NFS1: variants seen among roughly 807,000 people sequenced by gnomAD.
NFS1 encodes NFS1 cysteine desulfurase.
In NFS1, 26 loss-of-function variants were observed where a neutral mutation model predicts 57.3. The observed-to-expected ratio is 0.45, with a 90% CI of 0.33 to 0.63. NFS1 has a LOEUF of 0.63. Among genes scored for constraint, NFS1 ranks in the 20% least tolerant of loss-of-function variants. The probability of loss-of-function intolerance (pLI) is 0.02; values close to 1 mark genes in which losing one functional copy is unlikely to be tolerated. For missense variants in NFS1, 505 were observed against 605.8 expected (o/e 0.83, Z 1.75); for synonymous variants, 209 against 216.3 (o/e 0.97, Z 0.30).
At chr20:35,682,085 C>A in intron 5 of NFS1, 104 bp from the exon 6 acceptor site, 1 of 563,548 alleles carries the variant, frequency 1.8e-6, no homozygotes, top group South Asian at 2.1e-5. Context: ...TACTACATAC[C>A]TATCTGAATA....
intron 4 of NFS1, among the ~76,000 whole-genome samples, chr20:35,691,767 A>AAAAACC: frequency 7.7e-6 from 1 of 129,046 alleles, no homozygotes; most frequent in South Asian, 2.9e-4. Context: ...AAAAAAAAAG[A>AAAAACC]ACGCCAGGTG....
chr20:35,694,353 C>G (rs1008644527), intron 4 of NFS1, among the ~76,000 whole-genome samples: 1 of 152,070 alleles, frequency 6.6e-6, no homozygotes, highest in Non-Finnish European at 1.5e-5. Flanking sequence ...CCATGTTGGT[C>G]AGGCTGGTCT....
At chr20:35,692,301 G>C in intron 4 of NFS1, 1 of 241,542 alleles carries the variant, frequency 4.1e-6, no homozygotes, top group South Asian at 4.1e-5. Context: ...TTGAACCTGG[G>C]AGGCAGAGGT....
At chr20:35,671,537 C>T (rs1290451072) in intron 12 of NFS1, among the ~76,000 whole-genome samples, 1 of 152,178 alleles carries the variant, frequency 6.6e-6, no homozygotes, top group Non-Finnish European at 1.5e-5. Flanking sequence ...TGCCACTGCA[C>T]TCCAGCCTGG....
In NFS1 at chr20:35,675,182, G is replaced by A. The variant is rs140826239; in HGVS notation, c.811C>T (p.Arg271Cys). ...TCCACACGCACACGGGGCCGGCGAC[G>A]GATGTAGATGGCACCAACCCCTGGG... is the stretch of plus-strand genomic sequence containing the variant. Reference protein sequence around the residue: ...GPKGVGAIYIRRRPRVRVEAL... With the variant: ...GPKGVGAIYICRRPRVRVEAL... The change falls in exon 8 of 13, where the codon CGT becomes TGT. Residue 271 changes from arginine to cysteine, a missense_variant. Coordinates refer to ENST00000374092, the MANE Select transcript of NFS1 (RefSeq NM_021100.5). 2.2e-4 allele frequency: 356 copies of A among 1,612,672 alleles called. No homozygotes were observed. Among genetic ancestry groups the A allele is most frequent in the Non-Finnish European group, 2.8e-4 (336 of 1,179,458 alleles).
chr20:35,680,309 A>C (rs1357871190), intron 7 of NFS1, among the ~76,000 whole-genome samples: 1 of 150,708 alleles, frequency 6.6e-6, no homozygotes, highest in Non-Finnish European at 1.5e-5. Context: ...CGTCTCAAGA[A>C]AAAAAAAAAG....
At chr20:35,691,736 C>A (rs2146434721) in intron 4 of NFS1, among the ~76,000 whole-genome samples, 1 of 57,484 alleles carries the variant, frequency 1.7e-5, no homozygotes, top group African/African-American at 9.5e-5. Context: ...GAGACTGCAT[C>A]TCAAAAAAAA....
intron 12 of NFS1, among the ~76,000 whole-genome samples, chr20:35,671,421 A>C (rs950544652): frequency 1.3e-5 from 2 of 152,156 alleles, no homozygotes; most frequent in Non-Finnish European, 2.9e-5. Flanking sequence ...TATTTTTAAA[A>C]TTAGCTAGGT....
intron 7 of NFS1, among the ~76,000 whole-genome samples, chr20:35,677,669 T>C (rs894132851): frequency 6.6e-6 from 1 of 152,214 alleles, no homozygotes; most frequent in Non-Finnish European, 1.5e-5. Flanking sequence ...CTGAATAGAA[T>C]TGGCACTTGA....
chr20:35,698,516 G>T lies in NFS1; in HGVS notation c.172C>A (p.Pro58Thr), dbSNP rs766781670. ...GTAGCTTGCACATCCATATAGAGAGGTCGCAGCACTGGCCCCACCTCCGGG... is the reference window on the plus strand; with the variant it reads ...GTAGCTTGCACATCCATATAGAGAGTTCGCAGCACTGGCCCCACCTCCGGG... Reference protein sequence around the residue: ...AAPEVGPVLRPLYMDVQATTP... With the variant: ...AAPEVGPVLRTLYMDVQATTP... Residue 58 changes from proline to threonine, a missense_variant, in exon 2 of 13, where the codon CCT becomes ACT. Coordinates refer to ENST00000374092, the MANE Select transcript of NFS1 (RefSeq NM_021100.5). 5 of 1,613,804 alleles carry T rather than the reference G, an allele frequency of 3.1e-6. No homozygotes were observed.
At chr20:35,691,046 G>C (rs1251161574) in intron 4 of NFS1, among the ~76,000 whole-genome samples, 2 of 152,164 alleles carry the variant, frequency 1.3e-5, no homozygotes, top group African/African-American at 4.8e-5. Flanking sequence ...GCAGAAGGCT[G>C]TGCATACCTG....
chr20:35,691,706 T>C (rs1289097720), intron 4 of NFS1, among the ~76,000 whole-genome samples: 1 of 116,690 alleles, frequency 8.6e-6, no homozygotes, highest in Non-Finnish European at 1.6e-5. Context: ...GCTATTGCAC[T>C]CCAGCCTGGG....
chr20:35,680,441 T>C (rs1242618778), intron 7 of NFS1, among the ~76,000 whole-genome samples: 1 of 152,228 alleles, frequency 6.6e-6, no homozygotes, highest in East Asian at 1.9e-4. Flanking sequence ...GCTGGGCCTA[T>C]CTAGATAAAT....
intron 5 of NFS1, 101 bp downstream of exon 5, chr20:35,690,312 A>C: frequency 6.8e-5 from 72 of 1,053,114 alleles, no homozygotes; most frequent in Non-Finnish European, 9.5e-5. Context: ...CCTAACTGTT[A>C]GATCTATTCC....
intron 7 of NFS1, among the ~76,000 whole-genome samples, chr20:35,677,289 T>C (rs1021884189): frequency 5.3e-5 from 8 of 152,070 alleles, no homozygotes; most frequent in African/African-American, 1.9e-4. Context: ...CCCAGCATTC[T>C]GGGAGGCCAA....
At chr20:35,686,846 G>C (rs556453301) in intron 5 of NFS1, among the ~76,000 whole-genome samples, 1 of 152,120 alleles carries the variant, frequency 6.6e-6, no homozygotes, top group African/African-American at 2.4e-5. Flanking sequence ...GATTATATAT[G>C]AATATCATTA....
chr20:35,681,738 G>A (rs913531233), intron 6 of NFS1, 150 bp downstream of exon 6: 9 of 497,590 alleles, frequency 1.8e-5, no homozygotes, highest in Non-Finnish European at 3.4e-5. Context: ...TTCAAATACT[G>A]CCTATGACAC....
In NFS1 at chr20:35,668,459, A is replaced by C. The variant is rs1292219739; in HGVS notation, c.*1163T>G. ...CCTATGGGTTCAGACCCACAAATGA[A>C]AAGCTCTAGTTACAATGGCCTTCTC... On this transcript the variant is annotated 3_prime_UTR_variant, in exon 13 of 13. Transcript: ENST00000374092. The C allele has an allele frequency of 6.6e-6, 1 of 152,206 alleles. No individual in the cohort carries two copies. The highest frequency in any genetic ancestry group is 1.9e-4 in the East Asian group (1 of 5,196). The allele number at this position is 152,206 out of a possible 1,614,324, so 9.4% of individuals were successfully genotyped here. A position where few individuals can be genotyped will look rare whatever the true frequency, so the allele number is the denominator to read the frequency against.
intron 5 of NFS1, 56 bp from the exon 6 acceptor site, chr20:35,682,037 C>CTGATTTAGG: frequency 1.0e-6 from 1 of 1,002,626 alleles, no homozygotes; most frequent in Non-Finnish European, 1.6e-6. Context: ...CCTCCTAAAT[C>CTGATTTAGG]AGAATATAGG....
Sources: allele counts gnomAD v4.1 joint callset (sites outside exome capture counted in the v4.1 genomes callset), GRCh38; gene constraint gnomAD v4.1.1; transcripts MANE v1.5; gene names NCBI Gene and HGNC (gene_info 2026-07-23, HGNC 2026-07-21).